The following ETV1 variants were observed in gnomAD, a reference collection of about 807,000 sequenced individuals.
The protein encoded by ETV1 is ETS variant transcription factor 1, also known as ETS translocation variant 1.
A neutral mutation model predicts 62.3 loss-of-function variants in ETV1; 27 were observed. The observed-to-expected ratio is 0.43, with a 90% CI of 0.32 to 0.60. The LOEUF (loss-of-function observed/expected upper bound fraction) is 0.60. Among genes scored for constraint, ETV1 ranks in the 20% least tolerant of loss-of-function variants. The probability of loss-of-function intolerance (pLI) is 0.06; values close to 1 mark genes in which losing one functional copy is unlikely to be tolerated. For synonymous variants in ETV1, 222 were observed against 199.6 expected, an observed-to-expected ratio of 1.11 and a Z score of -0.94; for missense variants, 605 against 605.8, an observed-to-expected ratio of 1.00 and a Z score of 0.01.
At chr7:13,920,678 T>C (rs1033704661) in intron 9 of ETV1, among the ~76,000 whole-genome samples, 2 of 152,120 alleles carry the variant, frequency 1.3e-5, no homozygotes, top group African/African-American at 4.8e-5. Context: ...AAAGAGTAAA[T>C]CCAGACTGTA....
intron 6 of ETV1, among the ~76,000 whole-genome samples, chr7:13,968,674 T>C (rs1780555272): frequency 6.6e-6 from 1 of 151,930 alleles, no homozygotes; most frequent in Non-Finnish European, 1.5e-5. Flanking sequence ...TACGTTTTTT[T>C]CTAAAACCCA....
rs556867214 is a variant in ETV1 at position 13,989,097 on chromosome 7, G to T, written c.-45C>A. On this transcript the variant is annotated 5_prime_UTR_variant, in exon 3 of 14. Transcript: ENST00000430479. ...CTCAGCTCAGTATTTTATATTTTGA[G>T]CATTTAGCTGGAGATTTCCTCAGGA... 1.2e-4 allele frequency: 177 copies of T among 1,528,772 alleles called. 5 individuals carry two copies. In the South Asian group the frequency reaches 2.0e-3, roughly 17 times the overall value. 94.7% of individuals were successfully genotyped at this position (1,528,772 alleles called of 1,614,324 possible). A position where few individuals can be genotyped will look rare whatever the true frequency, so the allele number is the denominator to read the frequency against.
chr7:13,924,158 A>G (rs2128440373), intron 9 of ETV1, among the ~76,000 whole-genome samples: 1 of 152,328 alleles, frequency 6.6e-6, no homozygotes, highest in Middle Eastern at 3.4e-3. Context: ...CTTACTTGTG[A>G]AAAATGGATT....
intron 9 of ETV1, among the ~76,000 whole-genome samples, chr7:13,911,658 G>C (rs937199599): frequency 1.8e-4 from 28 of 152,266 alleles, no homozygotes; most frequent in African/African-American, 6.7e-4. Context: ...AAATAAATTT[G>C]TATAATCCCA....
At chr7:13,957,850 T>C (rs926151539) in intron 6 of ETV1, among the ~76,000 whole-genome samples, 3 of 152,126 alleles carry the variant, frequency 2.0e-5, no homozygotes, top group African/African-American at 4.8e-5. Context: ...AGTGTGCAAA[T>C]AGAAAAGATG....
chr7:13,915,756 A>C (rs1034313914), intron 9 of ETV1, among the ~76,000 whole-genome samples: 2 of 150,826 alleles, frequency 1.3e-5, no homozygotes, highest in Non-Finnish European at 3.0e-5. Flanking sequence ...TAATGGAAAT[A>C]ATTTTTTTTT....
At chr7:13,913,416 T>C (rs771404019) in intron 9 of ETV1, among the ~76,000 whole-genome samples, 4 of 152,206 alleles carry the variant, frequency 2.6e-5, no homozygotes, top group Non-Finnish European at 5.9e-5. Flanking sequence ...TGACATTTTG[T>C]TGTTATTTAA....
intron 6 of ETV1, among the ~76,000 whole-genome samples, chr7:13,956,576 C>T (rs939959356): frequency 6.6e-6 from 1 of 152,190 alleles, no homozygotes; most frequent in Admixed American, 6.5e-5. Flanking sequence ...TAGATTACTA[C>T]ATTAAGCATA....
rs546509556 is a variant in ETV1, at chr7:13,988,312, A to G, written c.46-139T>C. The G allele has an allele frequency of 6.6e-5, 41 of 618,896 alleles. No individual in the cohort carries two copies. The South Asian group carries it at 7.9e-4, about 12-fold the overall frequency. 38.3% of individuals were successfully genotyped at this position (618,896 alleles called of 1,614,324 possible). A position where few individuals can be genotyped will look rare whatever the true frequency, so the allele number is the denominator to read the frequency against. ...TCTCTGAATAGAAAAATAGAAGTCCATAGTATCAACTCTAATATTCATTTT... is the reference window on the plus strand; with the variant it reads ...TCTCTGAATAGAAAAATAGAAGTCCGTAGTATCAACTCTAATATTCATTTT... On this transcript the variant is annotated intron_variant, in intron 3 of 13. Transcript: ENST00000430479.
intron 8 of ETV1, among the ~76,000 whole-genome samples, chr7:13,932,833 G>C (rs76062268): frequency 0.027 from 4,052 of 152,222 alleles, 149 homozygotes; most frequent in African/African-American, 0.088. Flanking sequence ...TGGAAAGTTA[G>C]CATTTAATTT....
chr7:13,964,456 T>C (rs542091271), intron 6 of ETV1, among the ~76,000 whole-genome samples: 97 of 152,282 alleles, frequency 6.4e-4, no homozygotes, highest in African/African-American at 2.3e-3. Context: ...GGGGGGCACA[T>C]ATTTCTAATC....
chr7:13,919,382 T>TA (rs1193380280), intron 9 of ETV1, among the ~76,000 whole-genome samples: 130 of 143,064 alleles, frequency 9.1e-4, no homozygotes, highest in African/African-American at 2.2e-3. Context: ...ACCCACATAC[T>TA]AAAAAAAAAA....
intron 9 of ETV1, among the ~76,000 whole-genome samples, chr7:13,912,143 C>T (rs576562717): frequency 6.6e-6 from 1 of 152,240 alleles, no homozygotes; most frequent in African/African-American, 2.4e-5. Context: ...GCTATAAAAA[C>T]AGCTGGCTGA....
rs775133948 is a variant in ETV1 at position 13,895,846 on chromosome 7, C to T, written c.*20G>A. On this transcript the variant is annotated 3_prime_UTR_variant, in exon 14 of 14. Coordinates refer to ENST00000430479, the MANE Select transcript of ETV1 (RefSeq NM_004956.5). ...AAAAAAGGAAAAGCGCAAAAACGCC[C>T]TGCTTGACTGTCACTTGTGTTAATA... 49 of 1,590,060 alleles carry T rather than the reference C, an allele frequency of 3.1e-5. 2 individuals carry two copies. The South Asian group carries it at 5.3e-4, about 17-fold the overall frequency.
intron 5 of ETV1, among the ~76,000 whole-genome samples, chr7:13,983,712 G>T (rs1319537311): frequency 1.1e-5 from 1 of 94,100 alleles, no homozygotes; most frequent in African/African-American, 4.6e-5. Flanking sequence ...GTGTTTAGAT[G>T]TTAAAAAAAA....
At chr7:13,983,000 C>T (rs1052123994) in intron 5 of ETV1, among the ~76,000 whole-genome samples, 1 of 152,080 alleles carries the variant, frequency 6.6e-6, no homozygotes, top group African/African-American at 2.4e-5. Flanking sequence ...TTTAAGTTGA[C>T]CTGACTGTTG....
chr7:13,904,609 T>C (rs1583572463), intron 12 of ETV1, among the ~76,000 whole-genome samples: 1 of 152,214 alleles, frequency 6.6e-6, no homozygotes, highest in South Asian at 2.1e-4. Context: ...AACAAATATA[T>C]GGCAGGAACA....
intron 5 of ETV1, among the ~76,000 whole-genome samples, chr7:13,984,247 T>C (rs1353800201): frequency 1.3e-5 from 2 of 151,972 alleles, no homozygotes; most frequent in East Asian, 3.9e-4. Context: ...AATTCCATGG[T>C]CACTTTCTTG....
intron 12 of ETV1, among the ~76,000 whole-genome samples, chr7:13,902,515 C>A (rs183998592): frequency 1.5e-5 from 2 of 135,090 alleles, no homozygotes; most frequent in Non-Finnish European, 3.1e-5. Flanking sequence ...TGAATTGAAG[C>A]GGGGGTGGGG....
Sources: gnomAD v4.1 joint callset for allele counts (sites outside exome capture counted in the v4.1 genomes callset) on GRCh38, gnomAD v4.1.1 for gene constraint, MANE v1.5 for transcripts, NCBI Gene and HGNC (gene_info 2026-07-23, HGNC 2026-07-21) for gene names.